The following EPS8 variants were observed in gnomAD, a reference collection of about 807,000 sequenced individuals.
EPS8 encodes the protein epidermal growth factor receptor kinase substrate 8.
EPS8 carries 42 observed loss-of-function variants against 103.8 expected under a neutral mutation model. The ratio of observed to expected loss-of-function variants is 0.40; its 90% CI spans 0.32 to 0.52. EPS8 has a LOEUF of 0.52. Among genes scored for constraint, EPS8 ranks in the 20% least tolerant of loss-of-function variants. The pLI, the probability that EPS8 is intolerant of heterozygous loss-of-function variation, is 0.40. For synonymous variants in EPS8, 344 were observed against 344.6 expected (o/e 1.00, Z 0.02); for missense variants, 969 against 1,005.1 (o/e 0.96, Z 0.49).
At chr12:15,644,554 C>T (rs915446320) in intron 15 of EPS8, among the ~76,000 whole-genome samples, 4 of 151,998 alleles carry the variant, frequency 2.6e-5, no homozygotes, top group South Asian at 4.1e-4. Flanking sequence ...AAAAATTAGC[C>T]GGGCATGGTG....
intron 18 of EPS8, among the ~76,000 whole-genome samples, chr12:15,630,354 A>C (rs182818848): frequency 2.3e-4 from 35 of 152,304 alleles, no homozygotes; most frequent in African/African-American, 7.7e-4. Context: ...ATACGTTTAA[A>C]ACACCAAATT....
At position 15,785,107 on chromosome 12, in the gene EPS8, T is replaced by C. The variant is rs1365686927; in HGVS notation, c.-22+4054A>G. Among the ~76,000 whole-genome samples, 1 of 152,110 alleles carries C rather than the reference T, an allele frequency of 6.6e-6. No homozygotes were observed. The highest frequency in any genetic ancestry group is 2.4e-5 in the African/African-American group (1 of 41,454). ...AGGACAAAGAGTAAACTTTAATGTA[T>C]GCAAACGTAAGCAAATCATTTAGAA... is the stretch of plus-strand genomic sequence containing the variant. On this transcript the variant is annotated intron_variant, in intron 1 of 20. Coordinates refer to ENST00000281172, the MANE Select transcript of EPS8 (RefSeq NM_004447.6). The surrounding 1 kb of genome is among the most constrained non-coding windows in gnomAD (Gnocchi z 4.9).
In EPS8 at chr12:15,667,634, G is replaced by A. The variant is rs1023567060; in HGVS notation, c.517-1112C>T. ...TTATATTTCTAAGAAAAATTTTACT[G>A]CAAAGGTGGGCAGGAGCATTGCATG... On this transcript the variant is annotated intron_variant, in intron 6 of 20. Coordinates refer to ENST00000281172, the MANE Select transcript of EPS8 (RefSeq NM_004447.6). 2.6e-5 allele frequency among the ~76,000 whole-genome samples: 4 copies of A among 152,042 alleles called. No individual in the cohort carries two copies. The East Asian group carries it at 7.7e-4, about 29-fold the overall frequency.
chr12:15,634,473 T>C (rs1336967445), intron 17 of EPS8, among the ~76,000 whole-genome samples: 1 of 152,206 alleles, frequency 6.6e-6, no homozygotes, highest in Non-Finnish European at 1.5e-5. Context: ...TAAAGAATGC[T>C]ATTGAGAGAT....
chr12:15,677,648 AAAC>A (rs1945932222), intron 3 of EPS8, among the ~76,000 whole-genome samples: 1 of 152,244 alleles, frequency 6.6e-6, no homozygotes. Context: ...AACTGTGAGA[AAAC>A]AAATTATATC....
At chr12:15,774,190 C>T (rs532960356) in intron 1 of EPS8, among the ~76,000 whole-genome samples, 48 of 151,568 alleles carry the variant, frequency 3.2e-4, no homozygotes, top group African/African-American at 9.7e-4. Flanking sequence ...GCTTGAGCCA[C>T]GAATAAGAAG....
At chr12:15,637,249 C>G (rs1222939252) in intron 17 of EPS8, among the ~76,000 whole-genome samples, 1 of 152,176 alleles carries the variant, frequency 6.6e-6, no homozygotes, top group African/African-American at 2.4e-5. Flanking sequence ...TCAAACTCCT[C>G]ACCTCAAGTG....
intron 14 of EPS8, among the ~76,000 whole-genome samples, chr12:15,647,689 T>C (rs1251488752): frequency 2.0e-5 from 3 of 152,208 alleles, no homozygotes; most frequent in Non-Finnish European, 2.9e-5. Context: ...ACTAAACTGA[T>C]CTTGACAGTC....
In EPS8 at chr12:15,745,338, G is replaced by A. The variant is rs541793257; in HGVS notation, c.-22+43823C>T. 1.8e-4 allele frequency among the ~76,000 whole-genome samples: 27 copies of A among 152,208 alleles called. No homozygotes were observed. Among genetic ancestry groups the A allele is most frequent in the Admixed American group, 3.9e-4 (6 of 15,292 alleles). ...TAGATCAGGATAGCAAGTACATGAC[G>A]TTTGTGCGGGCCCTCCCCGTTCCCA... On this transcript the variant is annotated intron_variant, in intron 1 of 20. Coordinates refer to ENST00000281172, the MANE Select transcript of EPS8 (RefSeq NM_004447.6). The surrounding 1 kb of genome is among the most constrained non-coding windows in gnomAD (Gnocchi z 4.6).
chr12:15,636,725 T>G (rs79837600), intron 17 of EPS8, among the ~76,000 whole-genome samples: 1 of 152,224 alleles, frequency 6.6e-6, no homozygotes, highest in African/African-American at 2.4e-5. Flanking sequence ...AGATGTTGCA[T>G]GGAAATAGTT....
intron 13 of EPS8, among the ~76,000 whole-genome samples, chr12:15,651,620 ACT>A (rs1387876005): frequency 1.3e-5 from 2 of 152,206 alleles, no homozygotes; most frequent in African/African-American, 4.8e-5. Context: ...ATTTAATGAC[ACT>A]GAGTGAAACT....
At position 15,656,018 on chromosome 12, in the gene EPS8, T is replaced by C. The variant is rs370213950; in HGVS notation, c.1102-1725A>G. Among the ~76,000 whole-genome samples, 233 of 152,330 alleles carry C rather than the reference T, an allele frequency of 1.5e-3. 9 individuals are homozygous for C. In the South Asian group the frequency reaches 0.047, roughly 31 times the overall value. ...TTGAGAAAAGCAGAGATACTAAACA[T>C]TGGCAAGTAAACCAATGTTTTCAGG... On this transcript the variant is annotated intron_variant, in intron 12 of 20. Coordinates refer to ENST00000281172, the MANE Select transcript of EPS8 (RefSeq NM_004447.6).
At chr12:15,647,396 T>C (rs1945338656) in intron 14 of EPS8, 136 bp from the exon 15 acceptor site, 4 of 708,712 alleles carry the variant, frequency 5.6e-6, no homozygotes, top group Non-Finnish European at 8.9e-6. Context: ...GTTAACACAT[T>C]ATCAAATGGG....
chr12:15,633,862 A>G (rs1945091519), intron 17 of EPS8, among the ~76,000 whole-genome samples: 1 of 152,140 alleles, frequency 6.6e-6, no homozygotes, highest in Non-Finnish European at 1.5e-5. Context: ...GAAATTCTTC[A>G]TGTGGAAGAA....
chr12:15,662,423 G>A (rs558189064), intron 8 of EPS8: 503 of 1,033,282 alleles, frequency 4.9e-4, no homozygotes, highest in Middle Eastern at 1.4e-3. Context: ...TCCTACACAA[G>A]CCAGAAATAT....
Position 15,660,759 on chromosome 12 carries a change from G to A in EPS8, c.811-19C>T. The A allele has an allele frequency of 7.1e-7, 1 of 1,409,136 alleles. No individual in the cohort carries two copies. Among genetic ancestry groups the A allele is most frequent in the Non-Finnish European group, 9.9e-7 (1 of 1,007,024 alleles). The allele number at this position is 1,409,136 out of a possible 1,614,324, so 87.3% of individuals were successfully genotyped here. A position where few individuals can be genotyped will look rare whatever the true frequency, so the allele number is the denominator to read the frequency against. ...AGATTTGCTGAAATTAGAAATTATA[G>A]AATAAAATATAAAACAAAACTATTT... On this transcript the variant is annotated intron_variant, in intron 9 of 20. Coordinates refer to ENST00000281172, the MANE Select transcript of EPS8 (RefSeq NM_004447.6).
intron 1 of EPS8, among the ~76,000 whole-genome samples, chr12:15,755,006 T>C (rs1946971194): frequency 1.3e-5 from 2 of 152,208 alleles, no homozygotes; most frequent in South Asian, 4.1e-4. Flanking sequence ...AGATACCACC[T>C]TGGCCTGATG....
At chr12:15,686,903 T>A (rs946310596) in intron 1 of EPS8, among the ~76,000 whole-genome samples, 1 of 152,150 alleles carries the variant, frequency 6.6e-6, no homozygotes, top group African/African-American at 2.4e-5. Context: ...ATCACAGATT[T>A]TTTTATCTAC....
intron 1 of EPS8, among the ~76,000 whole-genome samples, chr12:15,766,902 A>G (rs1947104740): frequency 6.6e-6 from 1 of 152,202 alleles, no homozygotes; most frequent in Non-Finnish European, 1.5e-5. Flanking sequence ...TTCTATAAGT[A>G]TCCATAACTA....
Sources: gnomAD v4.1 joint callset for allele counts (sites outside exome capture counted in the v4.1 genomes callset) on GRCh38, gnomAD v4.1.1 for gene constraint, Gnocchi (gnomAD v3.1) non-coding constraint, MANE v1.5 for transcripts, NCBI Gene and HGNC (gene_info 2026-07-23, HGNC 2026-07-21) for gene names.